PDE7B: variants seen among roughly 807,000 people sequenced by gnomAD.
PDE7B encodes the protein 3',5'-cyclic-AMP phosphodiesterase 7B.
Under a neutral mutation model 56.2 loss-of-function variants are expected in PDE7B, and 29 were observed. The observed-to-expected ratio is 0.52, with a 90% CI of 0.38 to 0.70. PDE7B has a LOEUF of 0.70. Among genes scored for constraint, PDE7B ranks in the 30% least tolerant of loss-of-function variants. The pLI is 0.00. For missense variants in PDE7B, 490 were observed against 565.0 expected, an observed-to-expected ratio of 0.87 and a Z score of 1.35; for synonymous variants, 197 against 196.9, an observed-to-expected ratio of 1.00 and a Z score of 0.00.
rs781159606 is a variant in PDE7B, at chr6:136,179,099, C to T, written c.906C>T (p.Asp302=). The T allele has an allele frequency of 6.2e-7, 1 of 1,614,072 alleles. No homozygotes were observed. The highest frequency in any genetic ancestry group is 2.2e-5 in the East Asian group (1 of 44,890). ...TGAAAGCTCACCTCCACAATAAAGACTTAAGACTGGAGGATGCACAGGACA... is the reference window on the plus strand; with the variant it reads ...TGAAAGCTCACCTCCACAATAAAGATTTAAGACTGGAGGATGCACAGGACA... ...TRLKAHLHNK[D]LRLEDAQDRH... The change falls in exon 10 of 13, where the codon GAC becomes GAT. Residue 302 remains aspartate, a synonymous_variant. Coordinates refer to ENST00000308191, the MANE Select transcript of PDE7B (RefSeq NM_018945.4).
intron 1 of PDE7B, among the ~76,000 whole-genome samples, chr6:135,901,959 C>T (rs1328100745): frequency 6.6e-6 from 1 of 152,120 alleles, no homozygotes; most frequent in African/African-American, 2.4e-5. Context: ...GTTCCTGAAT[C>T]TCTAAGTTTC....
At chr6:135,944,047 C>G (rs1343464142) in intron 1 of PDE7B, among the ~76,000 whole-genome samples, 1 of 152,148 alleles carries the variant, frequency 6.6e-6, no homozygotes, top group Admixed American at 6.5e-5. Flanking sequence ...GCACAGAAGA[C>G]AAGACAAAGA....
chr6:135,892,762 C>T (rs1775830575), intron 1 of PDE7B, among the ~76,000 whole-genome samples: 1 of 152,156 alleles, frequency 6.6e-6, no homozygotes, highest in African/African-American at 2.4e-5. Context: ...AAATGTTCAG[C>T]TAGCCATCTT....
chr6:136,038,142 C>G (rs761029517), intron 2 of PDE7B: 18 of 1,300,556 alleles, frequency 1.4e-5, no homozygotes, highest in Non-Finnish European at 1.8e-5. Flanking sequence ...GAGGATCTTA[C>G]GGGGGTTCGC....
At chr6:135,895,689 C>T (rs371918491) in intron 1 of PDE7B, among the ~76,000 whole-genome samples, 9 of 152,170 alleles carry the variant, frequency 5.9e-5, no homozygotes, top group African/African-American at 2.2e-4. Flanking sequence ...CTCATGAAAA[C>T]ACTTAAAAGG....
At chr6:135,903,471 G>A (rs1776041711) in intron 1 of PDE7B, among the ~76,000 whole-genome samples, 1 of 152,044 alleles carries the variant, frequency 6.6e-6, no homozygotes, top group Non-Finnish European at 1.5e-5. Flanking sequence ...CTAGAATGAG[G>A]GGCACACAAA....
At chr6:136,157,563 G>A (rs1376058854) in intron 8 of PDE7B, among the ~76,000 whole-genome samples, 2 of 152,174 alleles carry the variant, frequency 1.3e-5, no homozygotes, top group Non-Finnish European at 2.9e-5. Flanking sequence ...GGGCAACAGA[G>A]GGAGACTCCG....
intron 8 of PDE7B, among the ~76,000 whole-genome samples, chr6:136,173,493 C>T (rs1327936990): frequency 2.6e-5 from 4 of 152,268 alleles, no homozygotes; most frequent in Middle Eastern, 3.4e-3. Context: ...TTACATTTAG[C>T]GTGGCCTGAC....
intron 2 of PDE7B, among the ~76,000 whole-genome samples, chr6:135,955,297 G>A (rs1774772139): frequency 6.6e-6 from 1 of 151,910 alleles, no homozygotes; most frequent in Non-Finnish European, 1.5e-5. Context: ...AAGGGGAAGG[G>A]TGGAGTGGCA....
intron 8 of PDE7B, among the ~76,000 whole-genome samples, chr6:136,171,485 G>A (rs1451103481): frequency 6.6e-6 from 1 of 152,128 alleles, no homozygotes; most frequent in Non-Finnish European, 1.5e-5. Context: ...GGCTTAGGAG[G>A]TTCTTATCAG....
At chr6:136,167,292 C>A (rs1014067871) in intron 8 of PDE7B, among the ~76,000 whole-genome samples, 1 of 152,232 alleles carries the variant, frequency 6.6e-6, no homozygotes, top group Admixed American at 6.5e-5. Context: ...GCCTGTCTCT[C>A]CCCATCTGAT....
intron 2 of PDE7B, chr6:135,993,118 C>T (rs543914625): frequency 6.6e-6 from 1 of 152,208 alleles, no homozygotes; most frequent in African/African-American, 2.4e-5. Context: ...ACCCCTGCTA[C>T]ATTGGGCCAG....
intron 3 of PDE7B, among the ~76,000 whole-genome samples, chr6:136,130,876 G>A (rs556915580): frequency 6.6e-6 from 1 of 152,230 alleles, no homozygotes; most frequent in East Asian, 1.9e-4. Context: ...AAGTGAAAGG[G>A]GTTCCCCCTT....
intron 3 of PDE7B, among the ~76,000 whole-genome samples, chr6:136,134,800 A>C (rs1398073870): frequency 6.6e-6 from 1 of 150,512 alleles, no homozygotes; most frequent in African/African-American, 2.4e-5. Flanking sequence ...CGTGTGTTGC[A>C]TGGTTAAGGA....
At chr6:135,957,029 A>G (rs73775639) in intron 2 of PDE7B, among the ~76,000 whole-genome samples, 2,209 of 152,232 alleles carry the variant, frequency 0.015, 63 homozygotes, top group African/African-American at 0.049. Flanking sequence ...GTGAGAGGAA[A>G]GAGGAGAAGA....
At chr6:136,139,711 T>G (rs996289845) in intron 3 of PDE7B, among the ~76,000 whole-genome samples, 8 of 152,226 alleles carry the variant, frequency 5.3e-5, no homozygotes, top group African/African-American at 1.9e-4. Flanking sequence ...TGCATTTCTC[T>G]GATGGCCAGT....
At chr6:136,117,358 C>T (rs1222735408) in intron 3 of PDE7B, among the ~76,000 whole-genome samples, 2 of 152,134 alleles carry the variant, frequency 1.3e-5, no homozygotes, top group African/African-American at 4.8e-5. Flanking sequence ...CTATTTTTTT[C>T]ATTGCCATCC....
At chr6:136,007,596 G>T (rs774393329) in intron 2 of PDE7B, among the ~76,000 whole-genome samples, 26 of 151,050 alleles carry the variant, frequency 1.7e-4, no homozygotes, top group Non-Finnish European at 3.4e-4. Flanking sequence ...CTGTGTGGAA[G>T]ATCAGACTTT....
chr6:135,997,728 A>G (rs1291055709), intron 2 of PDE7B, among the ~76,000 whole-genome samples: 1 of 152,134 alleles, frequency 6.6e-6, no homozygotes, highest in African/African-American at 2.4e-5. Context: ...GAAAAGGAGA[A>G]CTGTTTTTCT....
Sources: gnomAD v4.1 joint callset for allele counts (sites outside exome capture counted in the v4.1 genomes callset) on GRCh38, gnomAD v4.1.1 for gene constraint, MANE v1.5 for transcripts, NCBI Gene and HGNC (gene_info 2026-07-23, HGNC 2026-07-21) for gene names.